The following CNTNAP3B variants were observed in gnomAD, a reference collection of about 807,000 sequenced individuals.
CNTNAP3B encodes the protein contactin-associated protein-like 3B.
CNTNAP3B carries 25 observed loss-of-function variants against 108.9 expected under a neutral mutation model. The ratio of observed to expected loss-of-function variants is 0.23; its 90% confidence interval spans 0.17 to 0.32. The LOEUF (loss-of-function observed/expected upper bound fraction) is 0.32, where lower values mean the gene tolerates loss of function less well. CNTNAP3B is among the 10% of genes least tolerant of loss of function. CNTNAP3B has a pLI of 1.00. For synonymous variants in CNTNAP3B, 103 were observed against 473.4 expected (o/e 0.22, Z 10.16); for missense variants, 252 against 1,210.4 (o/e 0.21, Z 11.75).
intron 18 of CNTNAP3B, among the ~76,000 whole-genome samples, chr9:41,915,847 G>C (rs990922504): frequency 6.6e-6 from 1 of 150,818 alleles, no homozygotes; most frequent in Admixed American, 6.6e-5. Flanking sequence ...ACTAGGTTTT[G>C]GTATATAGGC....
At chr9:41,931,189 A>C (rs1273966648) in intron 14 of CNTNAP3B, among the ~76,000 whole-genome samples, 2 of 152,288 alleles carry the variant, frequency 1.3e-5, no homozygotes, top group African/African-American at 2.4e-5. Context: ...AATTAAAAAA[A>C]ATTAAATTGG....
At chr9:42,083,687 AG>A (rs2118638297) in intron 2 of CNTNAP3B, among the ~76,000 whole-genome samples, 1 of 15,364 alleles carries the variant, frequency 6.5e-5, no homozygotes, top group South Asian at 1.3e-3. Context: ...CTTCTGCCCC[AG>A]GAAGTAGAAA....
intron 15 of CNTNAP3B, among the ~76,000 whole-genome samples, chr9:41,924,302 G>A (rs1183278522): frequency 6.6e-6 from 1 of 152,310 alleles, no homozygotes; most frequent in African/African-American, 2.4e-5. Flanking sequence ...TGTGTTCAGA[G>A]AAGGCCAAAC....
chr9:42,074,976 C>G (rs1263449915), intron 3 of CNTNAP3B, among the ~76,000 whole-genome samples: 1 of 146,526 alleles, frequency 6.8e-6, no homozygotes, highest in African/African-American at 2.6e-5. Context: ...CGTCCAAGAT[C>G]AAGGTGTCTG....
Position 42,098,762 on chromosome 9 carries a change from A to T in CNTNAP3B, c.196+5867T>A, listed in dbSNP as rs1165924648. On this transcript the variant is annotated intron_variant, in intron 2 of 23. Transcript: ENST00000377561. The stretch of plus-strand genomic sequence containing the variant: ...AAATTAATGAAACATTTTCAGGACA[A>T]TCAGGCACAGATGGCTATTTTTTCT... 1.6e-5 allele frequency among the ~76,000 whole-genome samples: 2 copies of T among 128,368 alleles called. 1 individual carries two copies. Among genetic ancestry groups the T allele is most frequent in the Non-Finnish European group, 3.3e-5 (2 of 61,088 alleles). The allele number at this position is 128,368 out of a possible 152,430, so 84.2% of individuals were successfully genotyped here. A position where few individuals can be genotyped will look rare whatever the true frequency, so the allele number is the denominator to read the frequency against.
chr9:41,962,713 C>T (rs1219001079), intron 11 of CNTNAP3B, among the ~76,000 whole-genome samples: 7 of 148,820 alleles, frequency 4.7e-5, no homozygotes, highest in East Asian at 1.9e-4. Flanking sequence ...CCCAGCGCTT[C>T]GGGAGTCCAA....
Position 41,922,190 on chromosome 9 carries a change from G to A in CNTNAP3B, c.2755+487C>T, listed in dbSNP as rs1231512465. 3.9e-4 allele frequency among the ~76,000 whole-genome samples: 51 copies of A among 131,560 alleles called. 2 individuals are homozygous for A. Among genetic ancestry groups the A allele is most frequent in the African/African-American group, 1.2e-3 (40 of 32,340 alleles). The allele number at this position is 131,560 out of a possible 152,430, so 86.3% of individuals were successfully genotyped here. A position where few individuals can be genotyped will look rare whatever the true frequency, so the allele number is the denominator to read the frequency against. Reference sequence around the variant, plus strand: ...TACCTAAACACTGAGATACTGCAGGGCCCGGTGGCTCGCGCCTGTAATCCC... The same window carrying A: ...TACCTAAACACTGAGATACTGCAGGACCCGGTGGCTCGCGCCTGTAATCCC... On this transcript the variant is annotated intron_variant, in intron 17 of 23. Transcript: ENST00000377561.
At chr9:41,923,054 T>G (rs1220302076) in intron 16 of CNTNAP3B, among the ~76,000 whole-genome samples, 159 bp from the exon 17 acceptor site, 1 of 112,314 alleles carries the variant, frequency 8.9e-6, no homozygotes, top group East Asian at 2.6e-4. Flanking sequence ...AGAATAAATC[T>G]GTATCCTGGA....
chr9:41,927,107 G>T (rs1237407608), intron 15 of CNTNAP3B, among the ~76,000 whole-genome samples: 1 of 152,228 alleles, frequency 6.6e-6, no homozygotes, highest in Non-Finnish European at 1.5e-5. Flanking sequence ...AGAATGGCCA[G>T]TAAATCAGAT....
intron 13 of CNTNAP3B, among the ~76,000 whole-genome samples, chr9:41,939,965 A>G (rs1397525850): frequency 6.6e-6 from 1 of 152,236 alleles, no homozygotes; most frequent in African/African-American, 2.4e-5. Flanking sequence ...TGGAACATAC[A>G]ATAACATAAC....
At chr9:41,940,383 T>G (rs975687947) in intron 13 of CNTNAP3B, among the ~76,000 whole-genome samples, 45 of 152,388 alleles carry the variant, frequency 3.0e-4, no homozygotes, top group Middle Eastern at 3.4e-3. Flanking sequence ...AAAAGAACCC[T>G]AATTTGAATG....
chr9:42,062,633 T>G (rs1827197052), intron 3 of CNTNAP3B, among the ~76,000 whole-genome samples: 1 of 120,224 alleles, frequency 8.3e-6, no homozygotes, highest in African/African-American at 3.4e-5. Context: ...AGGTAAGAAC[T>G]GACTACAGTC....
chr9:41,946,527 C>T (rs1402230278), intron 13 of CNTNAP3B, among the ~76,000 whole-genome samples: 1 of 41,492 alleles, frequency 2.4e-5, no homozygotes, highest in African/African-American at 8.6e-5. Context: ...GAGAAAGTCT[C>T]AAGAGAAACA....
intron 15 of CNTNAP3B, among the ~76,000 whole-genome samples, chr9:41,928,328 C>A (rs997081775): frequency 2.6e-5 from 4 of 152,050 alleles, no homozygotes; most frequent in African/African-American, 4.8e-5. Flanking sequence ...AATCCATTGG[C>A]CCAGGTGGAT....
intron 13 of CNTNAP3B, among the ~76,000 whole-genome samples, chr9:41,938,649 CAG>C (rs1824233679): frequency 6.6e-6 from 1 of 152,290 alleles, no homozygotes; most frequent in Admixed American, 6.5e-5. Context: ...AGAAATCAGT[CAG>C]TTGCACGTGA....
intron 3 of CNTNAP3B, among the ~76,000 whole-genome samples, chr9:42,043,867 C>T (rs1826812101): frequency 1.0e-5 from 1 of 97,276 alleles, no homozygotes; most frequent in African/African-American, 3.8e-5. Flanking sequence ...GCTCGCTTTC[C>T]ATAGTTTCAA....
At chr9:41,950,095 A>G (rs1489378683) in intron 13 of CNTNAP3B, among the ~76,000 whole-genome samples, 1 of 104,548 alleles carries the variant, frequency 9.6e-6, no homozygotes, top group African/African-American at 3.6e-5. Context: ...ACAGACATCT[A>G]TCTCACTGAA....
rs143321762 is a variant in CNTNAP3B at position 41,994,615 on chromosome 9, A to T, written c.1071+1590T>A. 13 of 515,022 alleles carry T rather than the reference A, an allele frequency of 2.5e-5. 1 individual carries two copies. Among genetic ancestry groups the T allele is most frequent in the Middle Eastern group, 5.2e-4 (1 of 1,916 alleles). 31.9% of individuals were successfully genotyped at this position (515,022 alleles called of 1,614,324 possible). ...TAGTAAAACTTAGACTTCAAACCCA[A>T]CTTTTTTTTTTTTTTCTCCTTTACC... On this transcript the variant is annotated intron_variant, in intron 7 of 23. Transcript: ENST00000377561.
At chr9:41,930,730 G>A (rs1453223848) in intron 14 of CNTNAP3B, among the ~76,000 whole-genome samples, 1 of 152,294 alleles carries the variant, frequency 6.6e-6, no homozygotes, top group East Asian at 1.9e-4. Flanking sequence ...GCACACGTCT[G>A]TGTCCAATAC....
Sources: gnomAD v4.1 joint callset for allele counts (sites outside exome capture counted in the v4.1 genomes callset) on GRCh38, gnomAD v4.1.1 for gene constraint, MANE v1.5 for transcripts, NCBI Gene and HGNC (gene_info 2026-07-23, HGNC 2026-07-21) for gene names.